Variants in CC2D2B observed in about 807,000 individuals in gnomAD.
The protein encoded by CC2D2B is coiled-coil and C2 domain containing 2B.
CC2D2B carries 128 observed loss-of-function variants against 161.2 expected under a neutral mutation model. The ratio of observed to expected loss-of-function variants is 0.79; its 90% CI spans 0.69 to 0.92. The LOEUF (loss-of-function observed/expected upper bound fraction) is 0.92. Ranked by LOEUF, CC2D2B falls within the 40% of genes least tolerant of loss-of-function variation. CC2D2B has a pLI of 0.00. For synonymous variants in CC2D2B, 391 were observed against 449.8 expected (o/e 0.87, Z 1.65); for missense variants, 1,173 against 1,375.1 (o/e 0.85, Z 2.32).
intron 25 of CC2D2B, among the ~76,000 whole-genome samples, chr10:96,007,559 T>G (rs2078803569): frequency 6.6e-6 from 1 of 152,134 alleles, no homozygotes; most frequent in South Asian, 2.1e-4. Flanking sequence ...CTCAGCTCTG[T>G]TGTTGCTGGT....
At chr10:95,909,864 A>G (rs1419106120) in intron 1 of CC2D2B, among the ~76,000 whole-genome samples, 1 of 152,194 alleles carries the variant, frequency 6.6e-6, no homozygotes, top group Non-Finnish European at 1.5e-5. Flanking sequence ...AAATTTGTTT[A>G]GGCAAAGCGC....
chr10:96,025,166 T>TATATATAAAAAAA (rs1564683706), intron 33 of CC2D2B, among the ~76,000 whole-genome samples: 2 of 9,972 alleles, frequency 2.0e-4, no homozygotes, highest in African/African-American at 5.6e-4. Flanking sequence ...TATATATATA[T>TATATATAAAAAAA]ATATATATAT....
intron 25 of CC2D2B, among the ~76,000 whole-genome samples, chr10:96,007,813 G>T (rs117901450): frequency 0.011 from 1,700 of 152,194 alleles, 17 homozygotes; most frequent in Non-Finnish European, 0.017. Context: ...AGATCATAGG[G>T]TGCTGCCAAT....
In CC2D2B at chr10:96,016,221, C is replaced by T. The variant is rs536543614; in HGVS notation, c.3537C>T (p.Ile1179=). 116 of 1,611,306 alleles carry T rather than the reference C, an allele frequency of 7.2e-5. No homozygotes were observed. In the East Asian group the frequency reaches 1.3e-3, roughly 18 times the overall value. The change falls in exon 30 of 35, where the codon ATC becomes ATT. Residue 1179 remains isoleucine (I), a synonymous_variant. Coordinates refer to ENST00000646931, the MANE Select transcript of CC2D2B (RefSeq NM_001349008.3). The part of the protein sequence containing the change: ...MTSEHCISLA[I]GNKEEHAILL... ...CTTAGCACTGCATCAGTTTAGCTAT[C>T]GGAAATAAGGAGGAGCATGCCATCC...
chr10:95,972,816 G>A (rs1347562325), intron 16 of CC2D2B, among the ~76,000 whole-genome samples: 1 of 152,010 alleles, frequency 6.6e-6, no homozygotes, highest in African/African-American at 2.4e-5. Context: ...GCTCTGCCTC[G>A]ACCTCTCCTT....
At chr10:95,975,397 T>C (rs1218686517) in intron 17 of CC2D2B, among the ~76,000 whole-genome samples, 2 of 152,188 alleles carry the variant, frequency 1.3e-5, no homozygotes, top group Admixed American at 6.5e-5. Context: ...ATCGTTGGTA[T>C]GGACGAAACT....
chr10:95,938,910 G>T lies in CC2D2B; in HGVS notation c.786G>T (p.Lys262Asn). 1 of 694,846 alleles carries T rather than the reference G, an allele frequency of 1.4e-6. No homozygotes were observed. The highest frequency in any genetic ancestry group is 1.6e-5 in the South Asian group (1 of 61,788). 43.0% of individuals were successfully genotyped at this position (694,846 alleles called of 1,614,324 possible). A position where few individuals can be genotyped will look rare whatever the true frequency, so the allele number is the denominator to read the frequency against. Reference sequence around the variant, plus strand: ...AGGAACCTTTAAATCCATTACTTAAGACCATATACAGGAAGGTAACCAACA... The same window carrying T: ...AGGAACCTTTAAATCCATTACTTAATACCATATACAGGAAGGTAACCAACA... The part of the protein sequence containing the change: ...VRKEPLNPLL[K>N]TIYRKAVKYD... The change falls in exon 9 of 35, where the codon AAG (lysine) becomes AAT (asparagine). Residue 262 changes from lysine to asparagine, a missense_variant. By Grantham distance (94) the Lys-to-Asn change is moderately conservative. This residue lies in a region of CC2D2B where 298 missense variants were observed against 261.2 expected (regional missense o/e 1.14). Coordinates refer to ENST00000646931, the MANE Select transcript of CC2D2B (RefSeq NM_001349008.3).
At chr10:95,955,236 A>G (rs1015625887) in intron 10 of CC2D2B, among the ~76,000 whole-genome samples, 158 bp from the exon 11 acceptor site, 1 of 152,056 alleles carries the variant, frequency 6.6e-6, no homozygotes, top group Non-Finnish European at 1.5e-5. Flanking sequence ...TTCCTCCCCA[A>G]GGTGCTTATA....
intron 25 of CC2D2B, among the ~76,000 whole-genome samples, chr10:96,005,589 C>T (rs1316125272): frequency 1.3e-5 from 2 of 151,956 alleles, no homozygotes; most frequent in Admixed American, 6.6e-5. Flanking sequence ...TCTCTGTGCC[C>T]CTCCTGTATA....
At chr10:95,950,784 T>G (rs1432132742) in intron 10 of CC2D2B, among the ~76,000 whole-genome samples, 2 of 152,210 alleles carry the variant, frequency 1.3e-5, no homozygotes, top group African/African-American at 2.4e-5. Context: ...ATTATGAACC[T>G]TCATAAATAT....
intron 5 of CC2D2B, 80 bp from the exon 6 acceptor site, chr10:95,927,157 A>G (rs898598810): frequency 1.4e-6 from 1 of 732,524 alleles, no homozygotes; most frequent in South Asian, 1.9e-5. Context: ...AATTATGTTT[A>G]CCATATTACA....
At chr10:95,969,981 T>A (rs1285226745) in intron 15 of CC2D2B, among the ~76,000 whole-genome samples, 1 of 151,748 alleles carries the variant, frequency 6.6e-6, no homozygotes, top group African/African-American at 2.4e-5. Context: ...ATGCAAAAAT[T>A]GCAAAATAAA....
At chr10:96,030,072 CAAAG>C (rs1172996761) in intron 34 of CC2D2B, among the ~76,000 whole-genome samples, 6 of 152,158 alleles carry the variant, frequency 3.9e-5, no homozygotes, top group Admixed American at 3.3e-4. Flanking sequence ...CTTAGCCTCC[CAAAG>C]TGCTGGGATT....
At chr10:95,997,966 T>C (rs1385095782) in intron 24 of CC2D2B, among the ~76,000 whole-genome samples, 2 of 152,238 alleles carry the variant, frequency 1.3e-5, no homozygotes, top group East Asian at 3.8e-4. Flanking sequence ...AATTTCCTTT[T>C]GTGCCATGTC....
At chr10:95,953,944 A>T (rs2076490298) in intron 10 of CC2D2B, among the ~76,000 whole-genome samples, 1 of 152,182 alleles carries the variant, frequency 6.6e-6, no homozygotes, top group South Asian at 2.1e-4. Flanking sequence ...TTCCCCTGAT[A>T]TTTCATTGAC....
chr10:96,014,385 TCTAA>T (rs1327423338), intron 29 of CC2D2B, among the ~76,000 whole-genome samples: 3 of 152,228 alleles, frequency 2.0e-5, no homozygotes, highest in African/African-American at 7.2e-5. Context: ...GAAATTCAAA[TCTAA>T]CTGGGCATCC....
intron 30 of CC2D2B, among the ~76,000 whole-genome samples, chr10:96,018,537 C>T (rs1323851045): frequency 6.6e-6 from 1 of 152,120 alleles, no homozygotes; most frequent in African/African-American, 2.4e-5. Context: ...AAGTGCCCTA[C>T]CTCAAAACAC....
At chr10:95,984,300 A>C (rs2077633920) in intron 19 of CC2D2B, among the ~76,000 whole-genome samples, 1 of 152,176 alleles carries the variant, frequency 6.6e-6, no homozygotes, top group Non-Finnish European at 1.5e-5. Flanking sequence ...AGCTTTTCAT[A>C]TTAGTTGCTT....
intron 33 of CC2D2B, among the ~76,000 whole-genome samples, chr10:96,025,181 ATAT>A (rs1359900591): frequency 0.073 from 1,273 of 17,352 alleles, 83 homozygotes; most frequent in African/African-American, 0.13. Flanking sequence ...ATATATATAT[ATAT>A]AAAAAAAAAT....
Sources: allele counts gnomAD v4.1 joint callset (sites outside exome capture counted in the v4.1 genomes callset), GRCh38; gene constraint gnomAD v4.1.1; regional missense constraint gnomAD v4.1.1; transcripts MANE v1.5; gene names NCBI Gene and HGNC (gene_info 2026-07-23, HGNC 2026-07-21).